RNF144B: variants seen among roughly 807,000 people sequenced by gnomAD.
RNF144B encodes the protein ring finger protein 144B, also known as E3 ubiquitin-protein ligase RNF144B.
RNF144B carries 25 observed loss-of-function variants against 40.2 expected under a neutral mutation model. The observed-to-expected ratio is 0.62, with a 90% CI of 0.45 to 0.87. The LOEUF (loss-of-function observed/expected upper bound fraction) is 0.87. Ranked by LOEUF, RNF144B falls within the 40% of genes least tolerant of loss-of-function variation. The pLI is 0.00. For missense variants in RNF144B, 365 were observed against 373.7 expected (o/e 0.98, Z 0.19); for synonymous variants, 145 against 136.3 (o/e 1.06, Z -0.44).
rs1178103276 is a variant in RNF144B at position 18,463,386 on chromosome 6, C to A, written c.771+6C>A. 1 of 1,582,718 alleles carries A rather than the reference C, an allele frequency of 6.3e-7. No individual in the cohort carries two copies. Among genetic ancestry groups the A allele is most frequent in the African/African-American group, 1.3e-5 (1 of 74,396 alleles). On this transcript the variant is annotated splice_donor_region_variant and intron_variant, in intron 7 of 7. Coordinates refer to ENST00000259939, the MANE Select transcript of RNF144B (RefSeq NM_182757.4). The stretch of plus-strand genomic sequence containing the variant: ...TGATGTGGAACCGAACACAGGTACC[C>A]TGACCTTATAGGGAGCGTGACATAA...
At position 18,466,878 on chromosome 6, in the gene RNF144B, T is replaced by G. The variant is rs1759581509; in HGVS notation, c.*1811T>G. ...TATGTACATTTTAATTTACATGTTG[T>G]GTAGAACATAGATGAGAACTCTGGG... On this transcript the variant is annotated 3_prime_UTR_variant, in exon 8 of 8. Coordinates refer to ENST00000259939, the MANE Select transcript of RNF144B (RefSeq NM_182757.4). 1 of 152,630 alleles carries G rather than the reference T, an allele frequency of 6.6e-6. No homozygotes were observed. The highest frequency in any genetic ancestry group is 1.5e-5 in the Non-Finnish European group (1 of 68,034). 9.5% of individuals were successfully genotyped at this position (152,630 alleles called of 1,614,324 possible). A position where few individuals can be genotyped will look rare whatever the true frequency, so the allele number is the denominator to read the frequency against.
At chr6:18,415,766 A>T (rs1472147275) in intron 2 of RNF144B, among the ~76,000 whole-genome samples, 3 of 151,802 alleles carry the variant, frequency 2.0e-5, no homozygotes, top group Non-Finnish European at 4.4e-5. Context: ...TTGAATGGTT[A>T]TATTTTATTC....
At chr6:18,445,217 G>A (rs1759054131) in intron 4 of RNF144B, among the ~76,000 whole-genome samples, 1 of 152,136 alleles carries the variant, frequency 6.6e-6, no homozygotes, top group Non-Finnish European at 1.5e-5. Context: ...GCACAATGGT[G>A]GAGAATGGCA....
chr6:18,417,988 A>G (rs1039937583), intron 2 of RNF144B, among the ~76,000 whole-genome samples: 1 of 152,230 alleles, frequency 6.6e-6, no homozygotes, highest in Admixed American at 6.5e-5. Flanking sequence ...ATGTGAAAAG[A>G]TGCTCAAAAT....
Position 18,456,674 on chromosome 6 carries a change from C to T in RNF144B, c.332-481C>T, listed in dbSNP as rs565273087. ...GAGAAATGTGGCAGGGCTTAGCGACCTTGTAAATGATAGGTTTGGATCCAT... is the reference window on the plus strand; with the variant it reads ...GAGAAATGTGGCAGGGCTTAGCGACTTTGTAAATGATAGGTTTGGATCCAT... On this transcript the variant is annotated intron_variant, in intron 4 of 7. Transcript: ENST00000259939. This position sits in a 1 kb window ranked among gnomAD's most constrained non-coding sequence, Gnocchi z 4.7. Among the ~76,000 whole-genome samples, 3 of 152,316 alleles carry T rather than the reference C, an allele frequency of 2.0e-5. No individual in the cohort carries two copies. In the South Asian group the frequency reaches 6.2e-4, roughly 32 times the overall value.
At chr6:18,432,043 C>T (rs369227901) in intron 3 of RNF144B, among the ~76,000 whole-genome samples, 26 of 152,152 alleles carry the variant, frequency 1.7e-4, no homozygotes, top group African/African-American at 5.3e-4. Flanking sequence ...TTACTGAACA[C>T]GTGCAGACTT....
In RNF144B at chr6:18,400,832, T is replaced by A. The variant is rs1396005903; in HGVS notation, c.165+1133T>A. ...GTGTAGGAGTTCAGGGCTTAGAGGA[T>A]GTTGCTGTTTTAGGTAGGGGGATCA... On this transcript the variant is annotated intron_variant, in intron 2 of 7. Transcript: ENST00000259939. The surrounding 1 kb of genome is among the most constrained non-coding windows in gnomAD (Gnocchi z 5.6). 1.3e-5 allele frequency among the ~76,000 whole-genome samples: 2 copies of A among 152,168 alleles called. No individual in the cohort carries two copies. Among genetic ancestry groups the A allele is most frequent in the Non-Finnish European group, 2.9e-5 (2 of 68,028 alleles).
In RNF144B at chr6:18,448,274, T is replaced by C. The variant is rs1334536574; in HGVS notation, c.331+8530T>C. On this transcript the variant is annotated intron_variant, in intron 4 of 7. Transcript: ENST00000259939. The surrounding 1 kb of genome is among the most constrained non-coding windows in gnomAD (Gnocchi z 4.0). ...AGAGTGTGAGGGGAACGGATTTCAG[T>C]GCCAGATGGAGGGATTGGATTTACT... Among the ~76,000 whole-genome samples, 4 of 152,066 alleles carry C rather than the reference T, an allele frequency of 2.6e-5. No homozygotes were observed. The highest frequency in any genetic ancestry group is 2.1e-4 in the South Asian group (1 of 4,818).
Position 18,427,640 on chromosome 6 carries a change from C to A in RNF144B, c.225C>A (p.Cys75Ter). 6.2e-7 allele frequency: 1 copy of A among 1,613,686 alleles called. No homozygotes were observed. The highest frequency in any genetic ancestry group is 8.5e-7 in the Non-Finnish European group (1 of 1,179,726). Residue 75 changes from cysteine to a stop codon, truncating the protein, a stop_gained, in exon 3 of 8, where the codon TGC becomes TGA. Transcript: ENST00000259939. LOFTEE classifies it high-confidence loss of function. ...IREGCGSPIT[C>*]PDMVCLNHGT... ...AAGGATGTGGGTCTCCCATCACTTG[C>A]CCTGACATGGTGTGCCTAAACCACG...
chr6:18,415,140 T>G (rs1337113482), intron 2 of RNF144B, among the ~76,000 whole-genome samples: 1 of 152,232 alleles, frequency 6.6e-6, no homozygotes, highest in Non-Finnish European at 1.5e-5. Flanking sequence ...TTTCTTATTG[T>G]GATTTTAAAA....
In RNF144B at chr6:18,434,076, T is replaced by C. The variant is rs1472742885; in HGVS notation, c.271-5608T>C. On this transcript the variant is annotated intron_variant, in intron 3 of 7. Coordinates refer to ENST00000259939, the MANE Select transcript of RNF144B (RefSeq NM_182757.4). This position sits in a 1 kb window ranked among gnomAD's most constrained non-coding sequence, Gnocchi z 4.1. ...ATTATTTGTTCAGCCTGTTTAATTT[T>C]TAAAGCAACTGTAGCAGAAGCATGA... Among the ~76,000 whole-genome samples, 2 of 152,224 alleles carry C rather than the reference T, an allele frequency of 1.3e-5. No homozygotes were observed. Among genetic ancestry groups the C allele is most frequent in the African/African-American group, 4.8e-5 (2 of 41,462 alleles).
chr6:18,449,271 G>A (rs1759155281), intron 4 of RNF144B, among the ~76,000 whole-genome samples: 2 of 152,198 alleles, frequency 1.3e-5, no homozygotes, highest in African/African-American at 4.8e-5. Context: ...CTTATTCATA[G>A]TTCTAACCTA....
chr6:18,424,334 T>G (rs1242873310), intron 2 of RNF144B, among the ~76,000 whole-genome samples: 1 of 152,222 alleles, frequency 6.6e-6, no homozygotes, highest in African/African-American at 2.4e-5. Context: ...TTTCCCTCTT[T>G]GCCTTTGAAT....
intron 2 of RNF144B, among the ~76,000 whole-genome samples, chr6:18,417,404 T>G (rs767544119): frequency 6.6e-6 from 1 of 152,110 alleles, no homozygotes; most frequent in South Asian, 2.1e-4. Context: ...GAATTGAGAG[T>G]CCATAAATAA....
In RNF144B at chr6:18,418,963, A is replaced by G. The variant is rs73377605; in HGVS notation, c.166-8618A>G. On this transcript the variant is annotated intron_variant, in intron 2 of 7. Coordinates refer to ENST00000259939, the MANE Select transcript of RNF144B (RefSeq NM_182757.4). This position sits in a 1 kb window ranked among gnomAD's most constrained non-coding sequence, Gnocchi z 5.2. Reference sequence around the variant, plus strand: ...AAAGCTGATGTGGAGAATCTTTGACATGGGTCTTGGTACTTACAAGTGTGG... The same window carrying G: ...AAAGCTGATGTGGAGAATCTTTGACGTGGGTCTTGGTACTTACAAGTGTGG... Among the ~76,000 whole-genome samples the G allele has an allele frequency of 3.9e-3, 593 of 152,226 alleles. 8 individuals are homozygous for G. The highest frequency in any genetic ancestry group is 0.013 in the African/African-American group (544 of 41,548).
Position 18,387,459 on chromosome 6 carries a change from G to C in RNF144B, c.-208G>C, listed in dbSNP as rs1238960539. On this transcript the variant is annotated 5_prime_UTR_variant, in exon 1 of 8. Coordinates refer to ENST00000259939, the MANE Select transcript of RNF144B (RefSeq NM_182757.4). ...CCTCCCGACCCGTAGGTCTGGGAGC[G>C]CAAGTCCTGTTGCAGTCTTGCAAAG... The C allele has an allele frequency of 6.4e-6, 8 of 1,245,498 alleles. No individual in the cohort carries two copies. Among genetic ancestry groups the C allele is most frequent in the Middle Eastern group, 5.7e-4 (2 of 3,482 alleles). The allele number at this position is 1,245,498 out of a possible 1,614,324, so 77.2% of individuals were successfully genotyped here.
At chr6:18,427,477 T>G in intron 2 of RNF144B, 104 bp from the exon 3 acceptor site, 2 of 685,380 alleles carry the variant, frequency 2.9e-6, no homozygotes, top group Admixed American at 5.2e-5. Context: ...TACAAGAGCC[T>G]CAGGACAGCC....
At chr6:18,404,206 G>A (rs1794848581) in intron 2 of RNF144B, among the ~76,000 whole-genome samples, 1 of 152,210 alleles carries the variant, frequency 6.6e-6, no homozygotes, top group Non-Finnish European at 1.5e-5. Context: ...TCTTTCCTGG[G>A]TTCTAACTGT....
intron 1 of RNF144B, among the ~76,000 whole-genome samples, chr6:18,392,860 C>A (rs959541775): frequency 6.6e-6 from 1 of 151,860 alleles, no homozygotes; most frequent in African/African-American, 2.4e-5. Context: ...CATGTATGTA[C>A]TCATTGAGTT....
Sources: allele counts gnomAD v4.1 joint callset (sites outside exome capture counted in the v4.1 genomes callset), GRCh38; gene constraint gnomAD v4.1.1; non-coding constraint Gnocchi (gnomAD v3.1); transcripts MANE v1.5; gene names NCBI Gene and HGNC (gene_info 2026-07-23, HGNC 2026-07-21).